The following ONECUT1 variants were observed in gnomAD, a reference collection of about 807,000 sequenced individuals.
The protein encoded by ONECUT1 is one cut homeobox 1, also known as hepatocyte nuclear factor 6.
A neutral mutation model predicts 25.6 loss-of-function variants in ONECUT1; 12 were observed. The ratio of observed to expected loss-of-function variants is 0.47; its 90% CI spans 0.30 to 0.76. The LOEUF is 0.76. Ranked by LOEUF, ONECUT1 falls within the 30% of genes least tolerant of loss-of-function variation. The pLI, the probability that ONECUT1 is intolerant of heterozygous loss-of-function variation, is 0.07. For synonymous variants in ONECUT1, 285 were observed against 270.2 expected, an observed-to-expected ratio of 1.05 and a Z score of -0.54; for missense variants, 620 against 651.2, an observed-to-expected ratio of 0.95 and a Z score of 0.52.
rs1200840225 is a variant in ONECUT1, at chr15:52,757,484, G to T, written c.*71C>A. 2.0e-6 allele frequency: 3 copies of T among 1,466,944 alleles called. No homozygotes were observed. Among genetic ancestry groups the T allele is most frequent in the Admixed American group, 4.5e-5 (2 of 44,920 alleles). 90.9% of individuals were successfully genotyped at this position (1,466,944 alleles called of 1,614,324 possible). A position where few individuals can be genotyped will look rare whatever the true frequency, so the allele number is the denominator to read the frequency against. ...TCTAAGTATAAACCTGCTATCTTGA[G>T]GTCCTGGTCTTTTAAAAATTTTTTT... On this transcript the variant is annotated 3_prime_UTR_variant, in exon 2 of 2. Coordinates refer to ENST00000305901, the MANE Select transcript of ONECUT1 (RefSeq NM_004498.4).
chr15:52,763,711 T>C (rs1246069959), intron 1 of ONECUT1, among the ~76,000 whole-genome samples: 1 of 152,230 alleles, frequency 6.6e-6, no homozygotes, highest in Non-Finnish European at 1.5e-5. Flanking sequence ...GGAATTTCTC[T>C]TAGGAATGGT....
chr15:52,788,925 G>C lies in ONECUT1; in HGVS notation c.960C>G (p.Leu320=). The change falls in exon 1 of 2, where the codon CTC becomes CTG. Residue 320 remains leucine (L), a synonymous_variant. Coordinates refer to ENST00000305901, the MANE Select transcript of ONECUT1 (RefSeq NM_004498.4). This position sits in a 1 kb window ranked among gnomAD's most constrained non-coding sequence, Gnocchi z 4.3. The part of the protein sequence containing the change: ...IPQAIFAQRV[L]CRSQGTLSDL... Reference sequence around the variant, plus strand: ...CCGAGAGGGTCCCCTGGGAGCGGCAGAGCACCCTCTGCGCGAAGATGGCCT... The same window carrying C: ...CCGAGAGGGTCCCCTGGGAGCGGCACAGCACCCTCTGCGCGAAGATGGCCT... The C allele has an allele frequency of 1.9e-6, 3 of 1,614,108 alleles. No individual in the cohort carries two copies. The highest frequency in any genetic ancestry group is 3.3e-4 in the Middle Eastern group (2 of 6,062).
chr15:52,771,014 T>A (rs2083764218), intron 1 of ONECUT1, among the ~76,000 whole-genome samples: 1 of 152,248 alleles, frequency 6.6e-6, no homozygotes, highest in Non-Finnish European at 1.5e-5. Flanking sequence ...AAAGATGATC[T>A]GCATTTATAT....
At chr15:52,769,488 T>C (rs2141452060) in intron 1 of ONECUT1, among the ~76,000 whole-genome samples, 1 of 152,310 alleles carries the variant, frequency 6.6e-6, no homozygotes, top group Middle Eastern at 3.4e-3. Context: ...ATTTCTGAAA[T>C]GTTATATCAG....
Position 52,755,819 on chromosome 15 carries a change from T to G in ONECUT1, c.*1736A>C, listed in dbSNP as rs910581950. On this transcript the variant is annotated 3_prime_UTR_variant, in exon 2 of 2. Transcript: ENST00000305901. The stretch of plus-strand genomic sequence containing the variant: ...CCACTTAGATAAGTTACAGTCCAAC[T>G]GAATTCAGAGAGAATTTTTCTGGGA... Among the ~76,000 whole-genome samples, 2 of 152,234 alleles carry G rather than the reference T, an allele frequency of 1.3e-5. No individual in the cohort carries two copies. The highest frequency in any genetic ancestry group is 2.9e-5 in the Non-Finnish European group (2 of 68,050).
At chr15:52,768,087 A>G (rs2083745519) in intron 1 of ONECUT1, among the ~76,000 whole-genome samples, 1 of 152,166 alleles carries the variant, frequency 6.6e-6, no homozygotes, top group South Asian at 2.1e-4. Flanking sequence ...GGGTACAAAA[A>G]TACAATTAGA....
intron 1 of ONECUT1, among the ~76,000 whole-genome samples, chr15:52,777,270 T>C (rs1386869139): frequency 6.6e-6 from 1 of 152,226 alleles, no homozygotes; most frequent in Non-Finnish European, 1.5e-5. Flanking sequence ...TCATCTACCC[T>C]TAAATTCTCA....
chr15:52,790,012 G>T lies in ONECUT1; in HGVS notation c.-128C>A, dbSNP rs2083909996. ...TTGCCTTCCTTCCTCTCACTGTGGG[G>T]CTCTGTCTCTCTCTCTCTCTCTCTC... On this transcript the variant is annotated 5_prime_UTR_variant, in exon 1 of 2. Coordinates refer to ENST00000305901, the MANE Select transcript of ONECUT1 (RefSeq NM_004498.4). The T allele has an allele frequency of 3.0e-6, 4 of 1,348,308 alleles. No homozygotes were observed. The highest frequency in any genetic ancestry group is 2.9e-6 in the Non-Finnish European group (3 of 1,046,936). 83.5% of individuals were successfully genotyped at this position (1,348,308 alleles called of 1,614,324 possible). A position where few individuals can be genotyped will look rare whatever the true frequency, so the allele number is the denominator to read the frequency against.
chr15:52,771,824 C>G (rs2083769659), intron 1 of ONECUT1, among the ~76,000 whole-genome samples: 2 of 152,144 alleles, frequency 1.3e-5, no homozygotes, highest in African/African-American at 4.8e-5. Context: ...CCACTTGCTC[C>G]TAGGACAGTA....
chr15:52,779,517 T>C (rs1265788592), intron 1 of ONECUT1, among the ~76,000 whole-genome samples: 1 of 152,236 alleles, frequency 6.6e-6, no homozygotes, highest in Admixed American at 6.5e-5. Flanking sequence ...AGTTTCAATA[T>C]GCAAATTTAA....
chr15:52,761,443 G>T (rs2083705538), intron 1 of ONECUT1, among the ~76,000 whole-genome samples: 1 of 152,196 alleles, frequency 6.6e-6, no homozygotes, highest in Non-Finnish European at 1.5e-5. Context: ...GGGCGAAGCA[G>T]GCAGATTACT....
intron 1 of ONECUT1, among the ~76,000 whole-genome samples, chr15:52,763,533 A>G (rs2083717696): frequency 6.6e-6 from 1 of 152,224 alleles, no homozygotes. Context: ...TATTTTGTGA[A>G]CAATGAGTTG....
At chr15:52,774,964 C>A (rs189925704) in intron 1 of ONECUT1, among the ~76,000 whole-genome samples, 1 of 152,180 alleles carries the variant, frequency 6.6e-6, no homozygotes, top group Admixed American at 6.5e-5. Flanking sequence ...TTGAGGTGGG[C>A]AGATCACCTG....
At chr15:52,783,787 T>G (rs1261814325) in intron 1 of ONECUT1, among the ~76,000 whole-genome samples, 1 of 152,160 alleles carries the variant, frequency 6.6e-6, no homozygotes, top group Non-Finnish European at 1.5e-5. Flanking sequence ...AAAAGCATAC[T>G]TCGGATACAA....
chr15:52,774,567 T>C (rs866529195), intron 1 of ONECUT1, among the ~76,000 whole-genome samples: 3 of 152,162 alleles, frequency 2.0e-5, no homozygotes, highest in African/African-American at 2.4e-5. Context: ...CCCAAAGTGC[T>C]GGGATAACAG....
At chr15:52,787,439 G>A (rs1023165585) in intron 1 of ONECUT1, among the ~76,000 whole-genome samples, 1 of 152,106 alleles carries the variant, frequency 6.6e-6, no homozygotes. Context: ...GGGGGCTTTG[G>A]CCTCACGCTT....
chr15:52,786,762 A>G (rs1453739171), intron 1 of ONECUT1, among the ~76,000 whole-genome samples: 1 of 142,700 alleles, frequency 7.0e-6, no homozygotes, highest in African/African-American at 2.6e-5. Context: ...AGAACGTGTC[A>G]GTCTGTCCTT....
chr15:52,785,241 T>G (rs939894033), intron 1 of ONECUT1, among the ~76,000 whole-genome samples: 1 of 152,256 alleles, frequency 6.6e-6, no homozygotes, highest in Non-Finnish European at 1.5e-5. Flanking sequence ...GCAAATGGAC[T>G]TGTGCAGGGG....
chr15:52,781,020 G>GGGCTC, intron 1 of ONECUT1: 2 of 451,018 alleles, frequency 4.4e-6, no homozygotes, highest in Non-Finnish European at 6.0e-6. Flanking sequence ...TTACTTTTTA[G>GGGCTC]TGCAGAGCCC....
Sources: gnomAD v4.1 joint callset for allele counts (sites outside exome capture counted in the v4.1 genomes callset) on GRCh38, gnomAD v4.1.1 for gene constraint, Gnocchi (gnomAD v3.1) non-coding constraint, MANE v1.5 for transcripts, NCBI Gene and HGNC (gene_info 2026-07-23, HGNC 2026-07-21) for gene names.